Variants in FRYL observed in about 807,000 individuals in gnomAD.
FRYL encodes the protein protein furry homolog-like.
In FRYL, 150 loss-of-function variants were observed where a neutral mutation model predicts 351.2. The ratio of observed to expected loss-of-function variants is 0.43; its 90% confidence interval spans 0.37 to 0.49. The LOEUF is 0.49. Among genes scored for constraint, FRYL ranks in the 20% least tolerant of loss-of-function variants. The pLI, the probability that FRYL is intolerant of heterozygous loss-of-function variation, is 0.00. For synonymous variants in FRYL, 1,153 were observed against 1,257.1 expected (o/e 0.92, Z 1.75); for missense variants, 3,036 against 3,619.3 (o/e 0.84, Z 4.13).
chr4:48,536,173 A>T (rs1474716276), intron 47 of FRYL, among the ~76,000 whole-genome samples: 16 of 152,228 alleles, frequency 1.1e-4, no homozygotes, highest in Non-Finnish European at 2.4e-4. Flanking sequence ...GGATCAGTGC[A>T]CAAGTGACTA....
chr4:48,755,914 T>A (rs1428945889), intron 1 of FRYL, among the ~76,000 whole-genome samples: 4 of 151,448 alleles, frequency 2.6e-5, no homozygotes, highest in Admixed American at 2.6e-4. Flanking sequence ...TACAAGTCTG[T>A]CCTCAACATC....
intron 1 of FRYL, among the ~76,000 whole-genome samples, chr4:48,714,731 CA>C (rs1174723781): frequency 6.6e-6 from 1 of 150,712 alleles, no homozygotes; most frequent in Non-Finnish European, 1.5e-5. Context: ...GAAACTATTC[CA>C]ATCAATAGAA....
chr4:48,721,453 A>G (rs1221347673), intron 1 of FRYL, among the ~76,000 whole-genome samples: 17 of 151,942 alleles, frequency 1.1e-4, no homozygotes, highest in Non-Finnish European at 2.2e-4. Context: ...CTTAAGCCCA[A>G]GAGTTTGAGA....
At chr4:48,752,303 A>C (rs1196806293) in intron 1 of FRYL, among the ~76,000 whole-genome samples, 1 of 152,218 alleles carries the variant, frequency 6.6e-6, no homozygotes. Context: ...ATAACTAAGA[A>C]AGGTAGTGGT....
At chr4:48,603,455 A>C in intron 11 of FRYL, 67 bp from the exon 12 acceptor site, 1 of 1,035,884 alleles carries the variant, frequency 9.7e-7, no homozygotes, top group Non-Finnish European at 1.5e-6. Context: ...CAAAGAATAC[A>C]AGAACTTTCT....
chr4:48,607,285 T>C (rs1293773142), intron 9 of FRYL, among the ~76,000 whole-genome samples: 1 of 152,190 alleles, frequency 6.6e-6, no homozygotes, highest in African/African-American at 2.4e-5. Context: ...GGGAAGCCAG[T>C]TCCTTAAAGT....
chr4:48,657,032 T>A lies in FRYL; in HGVS notation c.-80-22542A>T, dbSNP rs183585314. ...AGTGTAATAAGTATTTTCTTTCTAA[T>A]CCTTCCTGAACTTTTATCATCCAGT... On this transcript the variant is annotated intron_variant, in intron 3 of 63. Coordinates refer to ENST00000358350, the MANE Select transcript of FRYL (RefSeq NM_015030.2). 7.9e-5 allele frequency among the ~76,000 whole-genome samples: 12 copies of A among 152,336 alleles called. No homozygotes were observed. The East Asian group carries it at 2.3e-3, about 29-fold the overall frequency.
At chr4:48,690,539 T>C (rs1258029401) in intron 2 of FRYL, among the ~76,000 whole-genome samples, 2 of 152,172 alleles carry the variant, frequency 1.3e-5, no homozygotes, top group Non-Finnish European at 2.9e-5. Flanking sequence ...TGGAAGATGA[T>C]ACGCCCACGA....
rs767186310 is a variant in FRYL, at chr4:48,553,299, G to C, written c.4351C>G (p.Pro1451Ala). Residue 1451 changes from proline to alanine, a missense_variant, in exon 36 of 64, where the codon CCT (proline) becomes GCT (alanine). Pro to Ala is a conservative substitution (Grantham distance 27). Around this residue, in one of 7 missense-constraint regions of FRYL, gnomAD observed 1,987 missense variants for 2,311.7 expected, o/e 0.86. Transcript: ENST00000358350. ...ELVSELQLTD[P>A]VSSGVTHMDN... ...ATGTGAGTGACCCCTGAACTGACAG[G>C]ATCGGTCAGCTGAAGCTCACTCACC... The C allele has an allele frequency of 2.0e-5, 33 of 1,612,286 alleles. No individual in the cohort carries two copies. Among genetic ancestry groups the C allele is most frequent in the Non-Finnish European group, 2.7e-5 (32 of 1,178,542 alleles).
At chr4:48,732,941 AAAG>A (rs1436036873) in intron 1 of FRYL, among the ~76,000 whole-genome samples, 13 of 151,096 alleles carry the variant, frequency 8.6e-5, no homozygotes, top group African/African-American at 7.3e-5. Flanking sequence ...AAAAAAAAAA[AAAG>A]AAAGTAAGTA....
chr4:48,655,007 C>A (rs532322398), intron 3 of FRYL, among the ~76,000 whole-genome samples: 1 of 152,100 alleles, frequency 6.6e-6, no homozygotes, highest in African/African-American at 2.4e-5. Flanking sequence ...TTAAGTAACA[C>A]AAAGAATAAG....
chr4:48,568,635 A>C (rs1737410522), intron 27 of FRYL, among the ~76,000 whole-genome samples: 1 of 152,150 alleles, frequency 6.6e-6, no homozygotes, highest in African/African-American at 2.4e-5. Context: ...TGAAAACAAG[A>C]GTTAGGAGTG....
intron 1 of FRYL, among the ~76,000 whole-genome samples, chr4:48,775,383 C>G (rs1775910823): frequency 6.6e-6 from 1 of 152,218 alleles, no homozygotes; most frequent in Admixed American, 6.5e-5. Flanking sequence ...CAATGCCTAG[C>G]ATGGTACACA....
chr4:48,643,920 T>A (rs1487596505), intron 3 of FRYL, among the ~76,000 whole-genome samples: 2 of 152,150 alleles, frequency 1.3e-5, no homozygotes, highest in Admixed American at 6.6e-5. Context: ...ATAAAATTAA[T>A]ATATTAATTA....
chr4:48,622,278 G>A (rs1750807262), intron 5 of FRYL, among the ~76,000 whole-genome samples: 1 of 152,192 alleles, frequency 6.6e-6, no homozygotes, highest in Non-Finnish European at 1.5e-5. Context: ...GTAGTGGCAT[G>A]AGACTTGAAA....
intron 2 of FRYL, among the ~76,000 whole-genome samples, chr4:48,689,887 CTT>C (rs887933820): frequency 6.8e-6 from 1 of 147,322 alleles, no homozygotes; most frequent in African/African-American, 2.5e-5. Context: ...TTTTTAATTT[CTT>C]TTTTTCTTTT....
At chr4:48,718,558 T>C (rs1455496630) in intron 1 of FRYL, among the ~76,000 whole-genome samples, 1 of 151,494 alleles carries the variant, frequency 6.6e-6, no homozygotes, top group Non-Finnish European at 1.5e-5. Context: ...AGTGTGAAAA[T>C]TGACCCTATT....
chr4:48,533,283 G>A (rs1426534791), intron 49 of FRYL, among the ~76,000 whole-genome samples: 1 of 151,352 alleles, frequency 6.6e-6, no homozygotes. Flanking sequence ...TTTTTTTAAG[G>A]CTTAAGAAGA....
chr4:48,731,705 T>C (rs1770745755), intron 1 of FRYL, among the ~76,000 whole-genome samples: 1 of 152,134 alleles, frequency 6.6e-6, no homozygotes, highest in Non-Finnish European at 1.5e-5. Flanking sequence ...ATTTAATAAA[T>C]GGTGTTGGGA....
Sources: allele counts gnomAD v4.1 joint callset (sites outside exome capture counted in the v4.1 genomes callset), GRCh38; gene constraint gnomAD v4.1.1; regional missense constraint gnomAD v4.1.1; transcripts MANE v1.5; gene names NCBI Gene and HGNC (gene_info 2026-07-23, HGNC 2026-07-21).